Variants in TRDN observed in about 807,000 individuals in gnomAD.
TRDN encodes triadin, also known as triadin in skeletal muscle.
In TRDN, 161 loss-of-function variants were observed where a neutral mutation model predicts 149.7. That is an observed-to-expected ratio of 1.08 (90% CI 0.95 to 1.23). The LOEUF is 1.23. Ranked by LOEUF, TRDN falls within the 50% of genes most tolerant of loss-of-function variation. The pLI is 0.00. For synonymous variants in TRDN, 294 were observed against 250.5 expected (o/e 1.17, Z -1.64); for missense variants, 896 against 823.5 (o/e 1.09, Z -1.08).
intron 31 of TRDN, among the ~76,000 whole-genome samples, chr6:123,268,084 C>G (rs1330888558): frequency 6.6e-6 from 1 of 151,990 alleles, no homozygotes; most frequent in South Asian, 2.1e-4. Context: ...TTGAATCATT[C>G]TTTGGGGACA....
intron 1 of TRDN, among the ~76,000 whole-genome samples, chr6:123,575,225 T>C (rs1782793711): frequency 6.6e-6 from 1 of 152,000 alleles, no homozygotes; most frequent in African/African-American, 2.4e-5. Flanking sequence ...GAAAGTAATC[T>C]GAAGGTCATC....
At chr6:123,451,865 G>A (rs1201914907) in intron 10 of TRDN, among the ~76,000 whole-genome samples, 1 of 151,988 alleles carries the variant, frequency 6.6e-6, no homozygotes, top group Non-Finnish European at 1.5e-5. Context: ...ACTAGCTAAC[G>A]GAATCCAATA....
chr6:123,595,870 C>T (rs1701259597), intron 1 of TRDN, among the ~76,000 whole-genome samples: 1 of 152,060 alleles, frequency 6.6e-6, no homozygotes, highest in Non-Finnish European at 1.5e-5. Context: ...TACTCTCTCT[C>T]CCTCTCCTCA....
chr6:123,285,488 A>G (rs1415855141), intron 24 of TRDN, among the ~76,000 whole-genome samples: 1 of 152,180 alleles, frequency 6.6e-6, no homozygotes, highest in Non-Finnish European at 1.5e-5. Context: ...AGCCACATGT[A>G]GGAGAATGAA....
At chr6:123,357,252 T>C (rs1203164571) in intron 20 of TRDN, among the ~76,000 whole-genome samples, 3 of 152,056 alleles carry the variant, frequency 2.0e-5, no homozygotes, top group Non-Finnish European at 4.4e-5. Context: ...AGACTTGTTT[T>C]GTAATTAAAT....
At chr6:123,345,332 A>G (rs1780210335) in intron 21 of TRDN, among the ~76,000 whole-genome samples, 2 of 151,762 alleles carry the variant, frequency 1.3e-5, no homozygotes, top group African/African-American at 4.8e-5. Flanking sequence ...TCTCCAGCAA[A>G]TTGTTTTTTC....
chr6:123,327,335 A>G (rs72974647), intron 23 of TRDN, among the ~76,000 whole-genome samples: 7,114 of 152,046 alleles, frequency 0.047, 266 homozygotes, highest in Non-Finnish European at 0.072. Flanking sequence ...TTCAAAAAAT[A>G]TTTTCTTATT....
intron 5 of TRDN, 95 bp from the exon 6 acceptor site, chr6:123,516,301 G>T (rs913434972): frequency 8.6e-6 from 11 of 1,274,092 alleles, no homozygotes; most frequent in Non-Finnish European, 1.0e-5. Context: ...TTTATCTTCT[G>T]TTTTTAGAAA....
At chr6:123,304,256 T>TA (rs1778527517) in intron 24 of TRDN, among the ~76,000 whole-genome samples, 1 of 143,088 alleles carries the variant, frequency 7.0e-6, no homozygotes, top group Non-Finnish European at 1.5e-5. Context: ...TATTTTCTTT[T>TA]TTTTTTTTTT....
At chr6:123,495,770 A>G (rs1413225639) in intron 9 of TRDN, among the ~76,000 whole-genome samples, 2 of 152,054 alleles carry the variant, frequency 1.3e-5, no homozygotes, top group Non-Finnish European at 2.9e-5. Context: ...TGAACAAATT[A>G]AAGTTATAAC....
intron 8 of TRDN, chr6:123,502,909 T>C (rs1778759383): frequency 2.0e-6 from 2 of 985,212 alleles, no homozygotes; most frequent in Non-Finnish European, 2.4e-6. Context: ...GGAATGGACT[T>C]AGGAAAAGAA....
At chr6:123,255,190 T>C in intron 36 of TRDN, 65 bp from the exon 37 acceptor site, 1 of 789,746 alleles carries the variant, frequency 1.3e-6, no homozygotes, top group Non-Finnish European at 1.9e-6. Flanking sequence ...CAAAATTTTG[T>C]CTCACATCAA....
At chr6:123,243,412 G>T (rs73771912) in intron 38 of TRDN, among the ~76,000 whole-genome samples, 1 of 152,052 alleles carries the variant, frequency 6.6e-6, no homozygotes, top group Non-Finnish European at 1.5e-5. Flanking sequence ...TACAATAATT[G>T]TCTAGCAATA....
chr6:123,572,768 C>T (rs984276306), intron 1 of TRDN, among the ~76,000 whole-genome samples: 7 of 152,040 alleles, frequency 4.6e-5, no homozygotes, highest in African/African-American at 1.7e-4. Flanking sequence ...TTAAGAATTA[C>T]ATGCCAAGAA....
chr6:123,387,339 AT>A (rs1281483843), intron 14 of TRDN, among the ~76,000 whole-genome samples: 20 of 152,178 alleles, frequency 1.3e-4, no homozygotes, highest in African/African-American at 4.8e-4. Flanking sequence ...TTTATTAAAA[AT>A]AATAAACCTA....
At chr6:123,524,475 T>G (rs1779845184) in intron 5 of TRDN, among the ~76,000 whole-genome samples, 1 of 152,142 alleles carries the variant, frequency 6.6e-6, no homozygotes, top group Non-Finnish European at 1.5e-5. Flanking sequence ...CATGACATTC[T>G]TAAGATTTTA....
intron 23 of TRDN, 94 bp from the exon 24 acceptor site, chr6:123,316,589 T>C: frequency 2.0e-6 from 2 of 1,005,364 alleles, no homozygotes; most frequent in Non-Finnish European, 3.0e-6. Flanking sequence ...ATAGGTAGGC[T>C]TCACTGATTT....
chr6:123,598,261 G>GTGCCC (rs1308103394), intron 1 of TRDN, among the ~76,000 whole-genome samples: 1 of 152,106 alleles, frequency 6.6e-6, no homozygotes, highest in Non-Finnish European at 1.5e-5. Context: ...TACTCAGTAA[G>GTGCCC]TGCCCTTAAG....
chr6:123,399,993 C>G (rs1446784810), intron 12 of TRDN, among the ~76,000 whole-genome samples: 4 of 151,710 alleles, frequency 2.6e-5, no homozygotes, highest in Admixed American at 2.6e-4. Flanking sequence ...AAATTTGACA[C>G]TTTAGTGAAA....
Sources: gnomAD v4.1 joint callset for allele counts (sites outside exome capture counted in the v4.1 genomes callset) on GRCh38, gnomAD v4.1.1 for gene constraint, MANE v1.5 for transcripts, NCBI Gene and HGNC (gene_info 2026-07-23, HGNC 2026-07-21) for gene names.